Variants in GALNT17 observed in about 807,000 individuals in gnomAD.
GALNT17 encodes the protein polypeptide N-acetylgalactosaminyltransferase 17.
Under a neutral mutation model 63.7 loss-of-function variants are expected in GALNT17, and 29 were observed. The ratio of observed to expected loss-of-function variants is 0.46; its 90% confidence interval spans 0.34 to 0.62. The LOEUF (loss-of-function observed/expected upper bound fraction) is 0.62. Among genes scored for constraint, GALNT17 ranks in the 20% least tolerant of loss-of-function variants. The pLI is 0.01. For missense variants in GALNT17, 603 were observed against 799.6 expected, an observed-to-expected ratio of 0.75 and a Z score of 2.97; for synonymous variants, 305 against 318.3, an observed-to-expected ratio of 0.96 and a Z score of 0.45.
chr7:71,435,505 A>G (rs1786942319), intron 5 of GALNT17, among the ~76,000 whole-genome samples: 1 of 152,166 alleles, frequency 6.6e-6, no homozygotes, highest in Non-Finnish European at 1.5e-5. Flanking sequence ...TCCCTAAACC[A>G]CTTCCTAAGA....
At chr7:71,619,697 G>A (rs1790264479) in intron 6 of GALNT17, among the ~76,000 whole-genome samples, 1 of 152,208 alleles carries the variant, frequency 6.6e-6, no homozygotes, top group Non-Finnish European at 1.5e-5. Flanking sequence ...TTTTGGCAGA[G>A]TCTTTAGGGT....
intron 5 of GALNT17, among the ~76,000 whole-genome samples, chr7:71,551,772 A>AAAG (rs929086462): frequency 9.0e-6 from 1 of 111,094 alleles, no homozygotes; most frequent in Non-Finnish European, 2.2e-5. Context: ...AAAAAAAAAA[A>AAAG]AGAGAGAGAG....
At chr7:71,470,930 T>A (rs1201111577) in intron 5 of GALNT17, among the ~76,000 whole-genome samples, 1 of 152,184 alleles carries the variant, frequency 6.6e-6, no homozygotes, top group African/African-American at 2.4e-5. Context: ...CCACAGTTAA[T>A]CCTTGGCACA....
intron 6 of GALNT17, among the ~76,000 whole-genome samples, chr7:71,616,438 AT>A (rs1267114413): frequency 6.8e-6 from 1 of 147,808 alleles, no homozygotes; most frequent in South Asian, 2.1e-4. Context: ...TTTTATTATT[AT>A]TTTTATTATT....
At chr7:71,561,527 G>A (rs868728957) in intron 5 of GALNT17, among the ~76,000 whole-genome samples, 1 of 152,108 alleles carries the variant, frequency 6.6e-6, no homozygotes, top group South Asian at 2.1e-4. Flanking sequence ...CAAAGAAAAC[G>A]GCAGCCTGTT....
chr7:71,556,194 C>G (rs1439307065), intron 5 of GALNT17, among the ~76,000 whole-genome samples: 22 of 152,218 alleles, frequency 1.4e-4, no homozygotes, highest in Admixed American at 1.4e-3. Flanking sequence ...TTACCTGAAT[C>G]TCATTTGGTT....
intron 2 of GALNT17, among the ~76,000 whole-genome samples, chr7:71,363,167 A>C (rs1792438366): frequency 6.6e-6 from 1 of 152,026 alleles, no homozygotes; most frequent in South Asian, 2.1e-4. Context: ...GGGTTTCACC[A>C]TGTTGGCCAG....
At chr7:71,616,188 G>A (rs1394910784) in intron 6 of GALNT17, among the ~76,000 whole-genome samples, 1 of 152,060 alleles carries the variant, frequency 6.6e-6, no homozygotes. Flanking sequence ...TCAAGACTGG[G>A]GCTCTTACTA....
rs1299553195 is a variant in GALNT17, at chr7:71,143,882, A to G, written c.238+10842A>G. On this transcript the variant is annotated intron_variant, in intron 1 of 10. Transcript: ENST00000333538. The stretch of plus-strand genomic sequence containing the variant: ...TAGTGAGACCCCATCTCTATTTAAA[A>G]AAAAAAAAAGAGTGCAGCAGTGGGT... Among the ~76,000 whole-genome samples, 3 of 151,870 alleles carry G rather than the reference A, an allele frequency of 2.0e-5. No homozygotes were observed. The East Asian group carries it at 5.8e-4, about 29-fold the overall frequency.
chr7:71,263,990 A>G (rs1790442943), intron 1 of GALNT17, among the ~76,000 whole-genome samples: 1 of 152,074 alleles, frequency 6.6e-6, no homozygotes, highest in Admixed American at 6.6e-5. Context: ...GGGCTTGTAA[A>G]TTTGCGTTTT....
intron 5 of GALNT17, among the ~76,000 whole-genome samples, chr7:71,425,292 G>A (rs1354789123): frequency 1.3e-5 from 2 of 151,788 alleles, no homozygotes; most frequent in South Asian, 2.1e-4. Context: ...GAGCGATCTC[G>A]GCTCGCTGCA....
chr7:71,254,720 A>G (rs1298476151), intron 1 of GALNT17, among the ~76,000 whole-genome samples: 3 of 152,030 alleles, frequency 2.0e-5, no homozygotes, highest in Non-Finnish European at 2.9e-5. Flanking sequence ...CTTAGATTTG[A>G]TTTTTGATTT....
At chr7:71,266,544 T>A (rs976939665) in intron 1 of GALNT17, among the ~76,000 whole-genome samples, 5 of 152,198 alleles carry the variant, frequency 3.3e-5, no homozygotes, top group African/African-American at 1.2e-4. Context: ...TGCAGAACTA[T>A]GAGTCATTTA....
Position 71,684,506 on chromosome 7 carries a change from C to T in GALNT17, c.1500+7200C>T, listed in dbSNP as rs1017844530. The stretch of plus-strand genomic sequence containing the variant: ...ACTCTGGCCCCATAGCCGCGTGTTC[C>T]AGCCCCTGCCTAGGGACAGCTCTGA... On this transcript the variant is annotated intron_variant, in intron 9 of 10. Transcript: ENST00000333538. Among the ~76,000 whole-genome samples the T allele has an allele frequency of 5.3e-5, 8 of 152,176 alleles. No individual in the cohort carries two copies. The East Asian group carries it at 1.5e-3, about 29-fold the overall frequency.
intron 1 of GALNT17, among the ~76,000 whole-genome samples, chr7:71,322,159 G>T (rs1234624858): frequency 6.6e-6 from 1 of 151,522 alleles, no homozygotes; most frequent in Non-Finnish European, 1.5e-5. Context: ...TCATTATGTT[G>T]CCCAGGCTGG....
intron 6 of GALNT17, among the ~76,000 whole-genome samples, chr7:71,606,241 C>T (rs1790046504): frequency 6.6e-6 from 1 of 152,004 alleles, no homozygotes; most frequent in Admixed American, 6.6e-5. Context: ...AGGCGTGAGC[C>T]ACTGCGCCCA....
At chr7:71,211,262 A>G (rs1424832166) in intron 1 of GALNT17, among the ~76,000 whole-genome samples, 6 of 152,132 alleles carry the variant, frequency 3.9e-5, no homozygotes. Flanking sequence ...TGTTCTCATG[A>G]TAGTGAATAA....
At chr7:71,348,346 A>G (rs551276113) in intron 2 of GALNT17, among the ~76,000 whole-genome samples, 3 of 152,350 alleles carry the variant, frequency 2.0e-5, no homozygotes, top group South Asian at 2.1e-4. Flanking sequence ...GCCAGCCCCA[A>G]AGGTTATGAA....
At chr7:71,418,584 C>T (rs749099178) in intron 4 of GALNT17, among the ~76,000 whole-genome samples, 60 of 152,178 alleles carry the variant, frequency 3.9e-4, no homozygotes, top group Middle Eastern at 3.2e-3. Context: ...ATGGCTGTTT[C>T]TGCTCTGATG....
Sources: gnomAD v4.1 joint callset for allele counts (sites outside exome capture counted in the v4.1 genomes callset) on GRCh38, gnomAD v4.1.1 for gene constraint, MANE v1.5 for transcripts, NCBI Gene and HGNC (gene_info 2026-07-23, HGNC 2026-07-21) for gene names.